TNFAIP8: variants seen among roughly 807,000 people sequenced by gnomAD.
The protein encoded by TNFAIP8 is TNF alpha induced protein 8.
A neutral mutation model predicts 13.3 loss-of-function variants in TNFAIP8; 7 were observed. That is an observed-to-expected ratio of 0.52 (90% CI 0.30 to 0.99). The LOEUF is 0.99. TNFAIP8 is among the 50% of genes least tolerant of loss of function. TNFAIP8 has a pLI of 0.07. For synonymous variants in TNFAIP8, 94 were observed against 87.6 expected, an observed-to-expected ratio of 1.07 and a Z score of -0.41; for missense variants, 258 against 236.9, an observed-to-expected ratio of 1.09 and a Z score of -0.58.
chr5:119,278,372 AGAGAGTGTGTGT>A lies in TNFAIP8; in HGVS notation c.1+9467_1+9478del, dbSNP rs1198768606. On this transcript the variant is annotated intron_variant, in intron 1 of 1. Transcript: ENST00000274456. ...AAGGGGGAGAGAGAGAGAGAGAGAG[AGAGAGTGTGTGT>A]GTGTGTGTGTGTGTGTGTGTGTGTG... Among the ~76,000 whole-genome samples, 709 of 124,930 alleles carry A rather than the reference AGAGAGTGTGTGT, an allele frequency of 5.7e-3. 3 individuals carry two copies. Among genetic ancestry groups the A allele is most frequent in the African/African-American group, 0.022 (594 of 27,100 alleles). 82.0% of individuals were successfully genotyped at this position (124,930 alleles called of 152,430 possible).
At chr5:119,270,730 A>G (rs1203896030) in intron 1 of TNFAIP8, among the ~76,000 whole-genome samples, 2 of 152,248 alleles carry the variant, frequency 1.3e-5, no homozygotes, top group Non-Finnish European at 2.9e-5. Context: ...TCTGTAAAAT[A>G]TGAATCCCTT....
chr5:119,393,305 C>G lies in TNFAIP8; in HGVS notation c.521C>G (p.Pro174Arg), dbSNP rs1331549693. The stretch of plus-strand genomic sequence containing the variant: ...GAATTTTTGGCTGCCTTGTATAATC[C>G]TTTTGGGAATTTTAAACCCCACTTA... ...DCEFLAALYNPFGNFKPHLQK... is the reference protein window; with the variant it reads ...DCEFLAALYNRFGNFKPHLQK... Residue 174 changes from proline (P) to arginine (R), a missense_variant, in exon 2 of 2, where the codon CCT (proline) becomes CGT (arginine). Coordinates refer to ENST00000504771, the MANE Select transcript of TNFAIP8 (RefSeq NM_014350.4). 6.2e-7 allele frequency: 1 copy of G among 1,613,874 alleles called. No homozygotes were observed. Among genetic ancestry groups the G allele is most frequent in the Non-Finnish European group, 8.5e-7 (1 of 1,179,852 alleles).
chr5:119,268,790 CCG>C (rs1748167297), exon 1 of TNFAIP8: 1 of 689,844 alleles, frequency 1.4e-6, no homozygotes, highest in Non-Finnish European at 2.6e-6. Context: ...CGGCTCTAAC[CCG>C]CGCTTGGCTA....
At chr5:119,318,588 G>A (rs1749966090) in intron 1 of TNFAIP8, among the ~76,000 whole-genome samples, 2 of 152,048 alleles carry the variant, frequency 1.3e-5, no homozygotes, top group Non-Finnish European at 2.9e-5. Context: ...GAGCCACTGT[G>A]CCTAGCCTAG....
chr5:119,386,843 C>G (rs1752694451), intron 1 of TNFAIP8, among the ~76,000 whole-genome samples: 2 of 152,170 alleles, frequency 1.3e-5, no homozygotes, highest in South Asian at 4.1e-4. Context: ...GTGCCTGGCA[C>G]TTGTCTTCTC....
intron 1 of TNFAIP8, among the ~76,000 whole-genome samples, chr5:119,360,696 A>G (rs144222149): frequency 2.3e-3 from 356 of 152,216 alleles, no homozygotes; most frequent in African/African-American, 7.8e-3. Context: ...TTGCAAACAC[A>G]GGTTTTAGCA....
intron 1 of TNFAIP8, among the ~76,000 whole-genome samples, chr5:119,343,219 G>A (rs529087064): frequency 6.6e-6 from 1 of 152,158 alleles, no homozygotes; most frequent in African/African-American, 2.4e-5. Context: ...GACTTCTACC[G>A]GGGATGTTTG....
intron 1 of TNFAIP8, among the ~76,000 whole-genome samples, chr5:119,325,583 G>A (rs1408778735): frequency 6.6e-6 from 1 of 152,344 alleles, no homozygotes; most frequent in East Asian, 1.9e-4. Context: ...GAGTAGCTGG[G>A]ACTACAGGCG....
chr5:119,288,845 A>C (rs1013001975), intron 1 of TNFAIP8, among the ~76,000 whole-genome samples: 12 of 152,244 alleles, frequency 7.9e-5, no homozygotes, highest in African/African-American at 2.9e-4. Context: ...AAGAGAGAGA[A>C]GGGCATTTAA....
chr5:119,293,959 T>A (rs528469890), intron 1 of TNFAIP8, among the ~76,000 whole-genome samples: 1 of 152,358 alleles, frequency 6.6e-6, no homozygotes, highest in South Asian at 2.1e-4. Flanking sequence ...TCTTGGGACA[T>A]AATTTTACCT....
chr5:119,364,285 C>G (rs997833514), intron 1 of TNFAIP8, among the ~76,000 whole-genome samples: 4 of 152,180 alleles, frequency 2.6e-5, no homozygotes, highest in Non-Finnish European at 5.9e-5. Flanking sequence ...CCTCTCACAA[C>G]TATCACTCAG....
At position 119,292,645 on chromosome 5, in the gene TNFAIP8, CATATATATATATATATATAT is replaced by C. The variant is rs56896742; in HGVS notation, c.1+23760_1+23779del. 9.4e-4 allele frequency among the ~76,000 whole-genome samples: 31 copies of C among 32,830 alleles called. 1 individual carries two copies. Among genetic ancestry groups the C allele is most frequent in the East Asian group, 7.4e-3 (6 of 814 alleles). 21.5% of individuals were successfully genotyped at this position (32,830 alleles called of 152,430 possible). A position where few individuals can be genotyped will look rare whatever the true frequency, so the allele number is the denominator to read the frequency against. ...ATTAGTGAATGAATAATCAATGTAG[CATATATATATATATATATAT>C]ATATATATATATATATATATACACA... On this transcript the variant is annotated intron_variant, in intron 1 of 1. Coordinates refer to the TNFAIP8 transcript ENST00000274456.
intron 1 of TNFAIP8, among the ~76,000 whole-genome samples, chr5:119,286,212 T>G (rs1748771535): frequency 6.6e-6 from 1 of 152,172 alleles, no homozygotes; most frequent in Non-Finnish European, 1.5e-5. Context: ...AGGCTCCCAA[T>G]GTTGGGTAAC....
In TNFAIP8 at chr5:119,295,113, G is replaced by T. The variant is rs575601372; in HGVS notation, c.1+26206G>T. Among the ~76,000 whole-genome samples the T allele has an allele frequency of 5.3e-5, 8 of 151,878 alleles. No homozygotes were observed. The East Asian group carries it at 1.6e-3, about 30-fold the overall frequency. On this transcript the variant is annotated intron_variant, in intron 1 of 1. Transcript: ENST00000274456. The stretch of plus-strand genomic sequence containing the variant: ...TTGGTGTTTTAGACATGAAGTCCTT[G>T]CCCGTGCCTATGTCCTCAATGGTAA...
chr5:119,309,524 G>A (rs1749668093), intron 1 of TNFAIP8, among the ~76,000 whole-genome samples: 2 of 152,138 alleles, frequency 1.3e-5, no homozygotes, highest in South Asian at 4.1e-4. Context: ...TTCAACAGTT[G>A]TTTAAATAAG....
At chr5:119,307,361 A>G (rs565106649) in intron 1 of TNFAIP8, among the ~76,000 whole-genome samples, 17 of 152,332 alleles carry the variant, frequency 1.1e-4, no homozygotes, top group African/African-American at 4.1e-4. Flanking sequence ...AATTATATTT[A>G]TAAGTTTCTG....
chr5:119,287,280 G>GTTTTTTTTTTTT (rs58452491), intron 1 of TNFAIP8, among the ~76,000 whole-genome samples: 13 of 109,230 alleles, frequency 1.2e-4, no homozygotes, highest in African/African-American at 1.7e-4. Flanking sequence ...CAGTAACCAA[G>GTTTTTTTTTTTT]TTTTTTTTTT....
At chr5:119,291,925 A>G (rs1307166020) in intron 1 of TNFAIP8, among the ~76,000 whole-genome samples, 2 of 152,222 alleles carry the variant, frequency 1.3e-5, no homozygotes, top group African/African-American at 4.8e-5. Flanking sequence ...GACATCTGTA[A>G]CCCTGACCCA....
intron 1 of TNFAIP8, among the ~76,000 whole-genome samples, chr5:119,293,682 T>G (rs1489710958): frequency 6.6e-6 from 1 of 152,210 alleles, no homozygotes; most frequent in African/African-American, 2.4e-5. Context: ...CTTACAATGA[T>G]AAATTATATC....
Sources: allele counts gnomAD v4.1 joint callset (sites outside exome capture counted in the v4.1 genomes callset), GRCh38; gene constraint gnomAD v4.1.1; transcripts MANE v1.5; gene names NCBI Gene and HGNC (gene_info 2026-07-23, HGNC 2026-07-21).